NR6A1: variants seen among roughly 807,000 people sequenced by gnomAD.
The protein encoded by NR6A1 is nuclear receptor subfamily 6 group A member 1.
In NR6A1, 7 loss-of-function variants were observed where a neutral mutation model predicts 59.1. The ratio of observed to expected loss-of-function variants is 0.12; its 90% CI spans 0.07 to 0.22. The LOEUF is 0.22. Among genes scored for constraint, NR6A1 ranks in the 10% least tolerant of loss-of-function variants. The pLI, the probability that NR6A1 is intolerant of heterozygous loss-of-function variation, is 1.00. For synonymous variants in NR6A1, 243 were observed against 236.1 expected, an observed-to-expected ratio of 1.03 and a Z score of -0.27; for missense variants, 468 against 611.6, an observed-to-expected ratio of 0.77 and a Z score of 2.48.
intron 2 of NR6A1, among the ~76,000 whole-genome samples, chr9:124,598,531 AC>A (rs1835344622): frequency 6.6e-6 from 1 of 151,942 alleles, no homozygotes; most frequent in Non-Finnish European, 1.5e-5. Context: ...GCATTTGCAT[AC>A]TGCAAATCTA....
At chr9:124,528,960 T>A (rs773436336) in intron 7 of NR6A1, among the ~76,000 whole-genome samples, 1 of 152,234 alleles carries the variant, frequency 6.6e-6, no homozygotes, top group Admixed American at 6.5e-5. Flanking sequence ...GATTTTGGCA[T>A]CCATGGGGGT....
intron 7 of NR6A1, among the ~76,000 whole-genome samples, chr9:124,528,853 A>G (rs1449397582): frequency 1.3e-5 from 2 of 152,240 alleles, no homozygotes; most frequent in Non-Finnish European, 2.9e-5. Context: ...ATCCAGTATT[A>G]TAAGGATTCT....
intron 2 of NR6A1, among the ~76,000 whole-genome samples, chr9:124,556,600 A>T (rs1833936102): frequency 6.6e-6 from 1 of 151,648 alleles, no homozygotes; most frequent in Non-Finnish European, 1.5e-5. Flanking sequence ...AGCTGGGATT[A>T]CAGGTGCCTG....
At chr9:124,612,811 TTC>T (rs1835792164) in intron 2 of NR6A1, among the ~76,000 whole-genome samples, 1 of 145,202 alleles carries the variant, frequency 6.9e-6, no homozygotes, top group East Asian at 1.9e-4. Context: ...CTTTCTTTCT[TTC>T]TTTCTTTTCT....
At chr9:124,676,463 T>A (rs1837965333) in intron 2 of NR6A1, among the ~76,000 whole-genome samples, 2 of 152,132 alleles carry the variant, frequency 1.3e-5, no homozygotes, top group South Asian at 4.1e-4. Context: ...GACCTACATA[T>A]AGCCTCTTTT....
chr9:124,757,264 G>T (rs566052950), intron 1 of NR6A1, among the ~76,000 whole-genome samples: 13 of 151,952 alleles, frequency 8.6e-5, no homozygotes, highest in Non-Finnish European at 1.6e-4. Flanking sequence ...GATGGTGTGA[G>T]AAGTACTATT....
chr9:124,722,806 A>C (rs1839601287), intron 2 of NR6A1, among the ~76,000 whole-genome samples: 1 of 151,908 alleles, frequency 6.6e-6, no homozygotes, highest in Non-Finnish European at 1.5e-5. Flanking sequence ...TGCAGCCTCA[A>C]CCTCCAGGGC....
At chr9:124,741,687 T>C (rs16927617) in intron 1 of NR6A1, among the ~76,000 whole-genome samples, 3,127 of 152,296 alleles carry the variant, frequency 0.021, 106 homozygotes, top group African/African-American at 0.071. Context: ...AAATTAACAC[T>C]ATGGGACAGA....
Position 124,769,410 on chromosome 9 carries a change from T to A in NR6A1, c.100+1610A>T, listed in dbSNP as rs1297821944. Among the ~76,000 whole-genome samples, 4 of 152,210 alleles carry A rather than the reference T, an allele frequency of 2.6e-5. No individual in the cohort carries two copies. The East Asian group carries it at 7.7e-4, about 29-fold the overall frequency. On this transcript the variant is annotated intron_variant, in intron 1 of 9. Transcript: ENST00000487099. The stretch of plus-strand genomic sequence containing the variant: ...AAAATGTTTGACTAGTTAATAAACG[T>A]ATGAAGGCACGGATCCAACCCAAGA...
chr9:124,606,698 A>C (rs1016084615), intron 2 of NR6A1, among the ~76,000 whole-genome samples: 3 of 152,196 alleles, frequency 2.0e-5, no homozygotes, highest in African/African-American at 7.2e-5. Flanking sequence ...AACTAACTAA[A>C]ATTATCTTTA....
chr9:124,657,834 C>T (rs1588750970), intron 2 of NR6A1, among the ~76,000 whole-genome samples: 1 of 152,114 alleles, frequency 6.6e-6, no homozygotes, highest in Admixed American at 6.5e-5. Flanking sequence ...CTTCCTCATA[C>T]ATCCAAACAC....
At chr9:124,545,559 C>T (rs1208052340) in intron 3 of NR6A1, among the ~76,000 whole-genome samples, 3 of 152,130 alleles carry the variant, frequency 2.0e-5, no homozygotes, top group Non-Finnish European at 2.9e-5. Context: ...TCTTTACAAT[C>T]GCTTCTCTGC....
chr9:124,667,492 A>G (rs1837659724), intron 2 of NR6A1, among the ~76,000 whole-genome samples: 1 of 152,244 alleles, frequency 6.6e-6, no homozygotes, highest in African/African-American at 2.4e-5. Context: ...TGTATATCCC[A>G]AACACAAAAC....
rs572941596 is a variant in NR6A1 at position 124,642,018 on chromosome 9, C to T, written c.143-87448G>A. Among the ~76,000 whole-genome samples the T allele has an allele frequency of 2.6e-5, 4 of 152,186 alleles. No individual in the cohort carries two copies. The East Asian group carries it at 5.8e-4, about 22-fold the overall frequency. On this transcript the variant is annotated intron_variant, in intron 2 of 9. Transcript: ENST00000487099. ...AGTTTGAACTTGGCTCTATCACTAC[C>T]ACTTAACAGCTGAGTGAGTTTGTGT...
At chr9:124,697,726 C>T (rs182791261) in intron 2 of NR6A1, among the ~76,000 whole-genome samples, 2 of 150,454 alleles carry the variant, frequency 1.3e-5, no homozygotes, top group African/African-American at 2.4e-5. Flanking sequence ...ACAATTTTGG[C>T]GTTCTAGTCA....
At chr9:124,744,171 T>C (rs888468282) in intron 1 of NR6A1, among the ~76,000 whole-genome samples, 1 of 152,062 alleles carries the variant, frequency 6.6e-6, no homozygotes, top group African/African-American at 2.4e-5. Flanking sequence ...GCCTGGGAGG[T>C]TGAGGCCGCA....
At chr9:124,718,335 T>C (rs1311492965) in intron 2 of NR6A1, among the ~76,000 whole-genome samples, 1 of 152,210 alleles carries the variant, frequency 6.6e-6, no homozygotes, top group East Asian at 1.9e-4. Flanking sequence ...TCTGATGGCT[T>C]TACTAGTGAA....
chr9:124,575,930 T>C (rs1388804292), intron 2 of NR6A1, among the ~76,000 whole-genome samples: 1 of 152,250 alleles, frequency 6.6e-6, no homozygotes, highest in Non-Finnish European at 1.5e-5. Flanking sequence ...GAGAACCAAA[T>C]AGGAATGTAT....
intron 2 of NR6A1, among the ~76,000 whole-genome samples, chr9:124,631,200 G>A (rs570284094): frequency 7.2e-5 from 11 of 152,200 alleles, no homozygotes; most frequent in African/African-American, 2.4e-4. Flanking sequence ...CATGACCAGC[G>A]AGAGGGAAAT....
Sources: allele counts gnomAD v4.1 joint callset (sites outside exome capture counted in the v4.1 genomes callset), GRCh38; gene constraint gnomAD v4.1.1; transcripts MANE v1.5; gene names NCBI Gene and HGNC (gene_info 2026-07-23, HGNC 2026-07-21).